TANGO6: variants seen among roughly 807,000 people sequenced by gnomAD.
The protein encoded by TANGO6 is transport and Golgi organization protein 6 homolog.
Under a neutral mutation model 114.2 loss-of-function variants are expected in TANGO6, and 90 were observed. The observed-to-expected ratio is 0.79, with a 90% CI of 0.66 to 0.94. The LOEUF is 0.94. Among genes scored for constraint, TANGO6 ranks in the 40% least tolerant of loss-of-function variants. TANGO6 has a pLI of 0.00. For missense variants in TANGO6, 1,274 were observed against 1,315.3 expected, an observed-to-expected ratio of 0.97 and a Z score of 0.49; for synonymous variants, 477 against 509.8, an observed-to-expected ratio of 0.94 and a Z score of 0.87.
At chr16:69,047,225 T>G (rs1468491798) in intron 17 of TANGO6, among the ~76,000 whole-genome samples, 2 of 149,324 alleles carry the variant, frequency 1.3e-5, no homozygotes, top group Non-Finnish European at 3.0e-5. Flanking sequence ...GCGCGGTGTC[T>G]CACAACTATA....
chr16:69,074,468 G>A (rs1325100153), intron 17 of TANGO6, among the ~76,000 whole-genome samples: 2 of 152,140 alleles, frequency 1.3e-5, no homozygotes, highest in South Asian at 2.1e-4. Flanking sequence ...GAGGAGGAAC[G>A]TGTCCACCCT....
At chr16:69,061,917 G>A (rs528188344) in intron 17 of TANGO6, among the ~76,000 whole-genome samples, 1 of 151,918 alleles carries the variant, frequency 6.6e-6, no homozygotes, top group East Asian at 2.0e-4. Context: ...TAGTCAGGAG[G>A]CTGAGGCAGG....
At chr16:68,921,413 A>T (rs1395586036) in intron 12 of TANGO6, among the ~76,000 whole-genome samples, 1 of 151,790 alleles carries the variant, frequency 6.6e-6, no homozygotes, top group East Asian at 1.9e-4. Flanking sequence ...CGAACCCCTG[A>T]CCTCAAGTGA....
chr16:68,912,911 CAAAAAAAAA>C (rs554300938), intron 11 of TANGO6, among the ~76,000 whole-genome samples: 1 of 81,874 alleles, frequency 1.2e-5, no homozygotes, highest in Non-Finnish European at 2.6e-5. Context: ...CCCCATCTCT[CAAAAAAAAA>C]AAAAAAAAAA....
intron 4 of TANGO6, chr16:68,868,029 AGCTACTTGGGAG>A (rs1962207539): frequency 6.6e-6 from 1 of 151,488 alleles, no homozygotes; most frequent in South Asian, 2.1e-4. Context: ...CTATGGTCCC[AGCTACTTGGGAG>A]GCTAAGGCAG....
chr16:68,988,693 T>TC (rs1491140564), intron 15 of TANGO6, among the ~76,000 whole-genome samples: 68 of 78,280 alleles, frequency 8.7e-4, no homozygotes, highest in African/African-American at 2.8e-3. Context: ...TCTCTCTCTC[T>TC]TTTTTTTTTT....
rs76290133 is a variant in TANGO6, at chr16:68,985,005, C to A, written c.2842+10837C>A. On this transcript the variant is annotated intron_variant, in intron 15 of 17. Transcript: ENST00000261778. ...TCTTGGTTAACATTATTTGTAAGTA[C>A]TTTCCTATGTCATTAAATATTTCTT... 1.0e-3 allele frequency among the ~76,000 whole-genome samples: 153 copies of A among 147,862 alleles called. 1 individual carries two copies. In the East Asian group the frequency reaches 0.028, roughly 27 times the overall value.
chr16:69,049,578 C>T (rs1959916314), intron 17 of TANGO6, among the ~76,000 whole-genome samples: 2 of 151,188 alleles, frequency 1.3e-5, no homozygotes, highest in South Asian at 4.2e-4. Flanking sequence ...ATTACAGGCA[C>T]TTGCCACCAT....
intron 16 of TANGO6, among the ~76,000 whole-genome samples, chr16:69,031,454 A>G (rs763813699): frequency 6.6e-6 from 1 of 151,994 alleles, no homozygotes; most frequent in Non-Finnish European, 1.5e-5. Context: ...TAATCTCAAC[A>G]CTTTGGGAGG....
At chr16:68,968,173 C>G (rs1199908484) in intron 14 of TANGO6, among the ~76,000 whole-genome samples, 1 of 152,082 alleles carries the variant, frequency 6.6e-6, no homozygotes, top group Non-Finnish European at 1.5e-5. Context: ...TCAAGAGATT[C>G]TCCTGCCTCA....
chr16:69,065,733 T>A (rs1960205557), intron 17 of TANGO6, among the ~76,000 whole-genome samples: 1 of 152,196 alleles, frequency 6.6e-6, no homozygotes, highest in South Asian at 2.1e-4. Context: ...CTCTTAGACA[T>A]TAGTAATCCT....
intron 15 of TANGO6, among the ~76,000 whole-genome samples, chr16:69,012,509 T>TCGTG (rs1478645856): frequency 7.6e-6 from 1 of 131,134 alleles, no homozygotes; most frequent in Non-Finnish European, 1.5e-5. Flanking sequence ...GAAGCCAAGA[T>TCGTG]CGTGCCATTG....
chr16:68,871,441 A>G (rs913766778), intron 4 of TANGO6, among the ~76,000 whole-genome samples: 2 of 151,950 alleles, frequency 1.3e-5, no homozygotes, highest in Admixed American at 6.6e-5. Context: ...AGTGTTTGCC[A>G]TATTTGGAAA....
At chr16:68,886,835 T>C (rs973586267) in intron 7 of TANGO6, among the ~76,000 whole-genome samples, 1 of 146,036 alleles carries the variant, frequency 6.8e-6, no homozygotes, top group Admixed American at 7.1e-5. Context: ...TGAGATTGAG[T>C]CTCACTCTGT....
chr16:69,059,771 A>G (rs1195736022), intron 17 of TANGO6, among the ~76,000 whole-genome samples: 1 of 152,166 alleles, frequency 6.6e-6, no homozygotes, highest in Non-Finnish European at 1.5e-5. Context: ...GTCAACAGGT[A>G]CTTAGTTACC....
At chr16:69,038,429 CAAA>C (rs753548074) in intron 16 of TANGO6, among the ~76,000 whole-genome samples, 1 of 137,888 alleles carries the variant, frequency 7.3e-6, no homozygotes, top group East Asian at 2.1e-4. Context: ...GATCCTGTTT[CAAA>C]AAAAAAAAAA....
intron 14 of TANGO6, among the ~76,000 whole-genome samples, chr16:68,955,075 G>A (rs184141614): frequency 2.5e-4 from 38 of 152,252 alleles, no homozygotes; most frequent in Non-Finnish European, 4.3e-4. Context: ...AGTACCCCCC[G>A]TTGACCTTTT....
chr16:68,968,704 T>G (rs1298956029), intron 14 of TANGO6, among the ~76,000 whole-genome samples: 2 of 132,284 alleles, frequency 1.5e-5, no homozygotes, highest in African/African-American at 5.8e-5. Flanking sequence ...GGAGTCTTGC[T>G]CTGTCGCCCA....
intron 15 of TANGO6, among the ~76,000 whole-genome samples, chr16:69,016,556 A>C (rs1004231888): frequency 3.3e-5 from 5 of 152,222 alleles, no homozygotes; most frequent in African/African-American, 1.2e-4. Context: ...TTGTAAAATT[A>C]AACTACTAAA....
Sources: gnomAD v4.1 joint callset for allele counts (sites outside exome capture counted in the v4.1 genomes callset) on GRCh38, gnomAD v4.1.1 for gene constraint, MANE v1.5 for transcripts, NCBI Gene and HGNC (gene_info 2026-07-23, HGNC 2026-07-21) for gene names.